Variants in RBFOX1 observed in about 807,000 individuals in gnomAD.
The protein encoded by RBFOX1 is RNA binding fox-1 homolog 1, also known as RNA binding protein fox-1 homolog 1.
RBFOX1 carries 8 observed loss-of-function variants against 57.7 expected under a neutral mutation model. The ratio of observed to expected loss-of-function variants is 0.14; its 90% CI spans 0.08 to 0.25. The LOEUF (loss-of-function observed/expected upper bound fraction) is 0.25. Among genes scored for constraint, RBFOX1 ranks in the 10% least tolerant of loss-of-function variants. RBFOX1 has a pLI of 1.00. For synonymous variants in RBFOX1, 326 were observed against 222.4 expected, an observed-to-expected ratio of 1.47 and a Z score of -4.15; for missense variants, 611 against 548.5, an observed-to-expected ratio of 1.11 and a Z score of -1.14.
At chr16:7,519,497 C>T (rs2077070387) in intron 5 of RBFOX1, among the ~76,000 whole-genome samples, 1 of 152,176 alleles carries the variant, frequency 6.6e-6, no homozygotes, top group African/African-American at 2.4e-5. Context: ...ATTTTATCAT[C>T]ACTGTAAATG....
At chr16:7,577,272 C>G (rs1315689076) in intron 5 of RBFOX1, among the ~76,000 whole-genome samples, 1 of 152,174 alleles carries the variant, frequency 6.6e-6, no homozygotes, top group African/African-American at 2.4e-5. Context: ...GGATGAAGCT[C>G]AGACTCTTGC....
intron 1 of RBFOX1, among the ~76,000 whole-genome samples, chr16:6,172,382 T>C (rs1303171266): frequency 6.6e-6 from 1 of 152,192 alleles, no homozygotes; most frequent in Non-Finnish European, 1.5e-5. Flanking sequence ...GCCCAACCTC[T>C]GCTTCATCTC....
chr16:5,395,734 A>T (rs2066534016), intron 1 of RBFOX1, among the ~76,000 whole-genome samples: 1 of 152,214 alleles, frequency 6.6e-6, no homozygotes, highest in African/African-American at 2.4e-5. Flanking sequence ...TATGTTAAAT[A>T]AAACTCCATC....
chr16:6,203,448 A>G (rs541474833), intron 1 of RBFOX1, among the ~76,000 whole-genome samples: 34 of 152,336 alleles, frequency 2.2e-4, no homozygotes, highest in East Asian at 3.9e-4. Context: ...ACTGAGTAAT[A>G]TCACTGCATG....
Position 5,983,497 on chromosome 16 carries a change from C to T in RBFOX1, c.351+116162C>T, listed in dbSNP as rs2060214858. Among the ~76,000 whole-genome samples the T allele has an allele frequency of 3.3e-5, 5 of 152,236 alleles. 1 individual carries two copies. The South Asian group carries it at 8.3e-4, about 25-fold the overall frequency. ...GAACCTTCCAGTGAAGAGAGGGGTA[C>T]GGTGGGGTAGGCGGGGAAAAACCGC... On this transcript the variant is annotated intron_variant, in intron 4 of 19. Transcript: ENST00000641259.
chr16:6,338,431 C>T (rs1350633110), intron 2 of RBFOX1, among the ~76,000 whole-genome samples: 4 of 152,106 alleles, frequency 2.6e-5, no homozygotes, highest in South Asian at 2.1e-4. Context: ...AAACTCTGGG[C>T]GTGTGCCTAG....
rs190629466 is a variant in RBFOX1 at position 7,625,364 on chromosome 16, G to C, written c.677-5239G>C. Among the ~76,000 whole-genome samples, 51 of 152,176 alleles carry C rather than the reference G, an allele frequency of 3.4e-4. No homozygotes were observed. The East Asian group carries it at 8.3e-3, about 25-fold the overall frequency. On this transcript the variant is annotated intron_variant, in intron 10 of 15. Transcript: ENST00000550418. Reference sequence around the variant, plus strand: ...TTCTGTTATAAAAGAGATGGTTTGGGGGTGGTTTCTTATTACAGGAAAATT... The same window carrying C: ...TTCTGTTATAAAAGAGATGGTTTGGCGGTGGTTTCTTATTACAGGAAAATT...
chr16:7,233,906 C>G (rs1432731052), intron 4 of RBFOX1, among the ~76,000 whole-genome samples: 6 of 152,226 alleles, frequency 3.9e-5, no homozygotes, highest in African/African-American at 1.2e-4. Flanking sequence ...GAGAGCTACT[C>G]TGACTCTTTG....
intron 1 of RBFOX1, among the ~76,000 whole-genome samples, chr16:5,431,790 C>G (rs1453022142): frequency 1.3e-5 from 2 of 152,162 alleles, no homozygotes; most frequent in African/African-American, 4.8e-5. Context: ...CTGCAGGAAG[C>G]CTGGCCTCTA....
At chr16:6,118,862 G>A (rs907394958) in intron 1 of RBFOX1, among the ~76,000 whole-genome samples, 7 of 149,830 alleles carry the variant, frequency 4.7e-5, no homozygotes, top group African/African-American at 1.7e-4. Flanking sequence ...CACTAATCCT[G>A]CACATGAGGG....
chr16:6,607,286 GAA>G (rs2097947395), intron 2 of RBFOX1, among the ~76,000 whole-genome samples: 1 of 152,148 alleles, frequency 6.6e-6, no homozygotes, highest in Admixed American at 6.6e-5. Context: ...AAAGGGAAGA[GAA>G]ATGTCAGCTC....
chr16:7,188,884 A>G (rs1434746471), intron 4 of RBFOX1, among the ~76,000 whole-genome samples: 1 of 152,124 alleles, frequency 6.6e-6, no homozygotes, highest in Admixed American at 6.5e-5. Flanking sequence ...GGTTTAAGGA[A>G]CAGAGGATAC....
chr16:7,094,357 G>A (rs553898817), intron 4 of RBFOX1, among the ~76,000 whole-genome samples: 1 of 152,104 alleles, frequency 6.6e-6, no homozygotes, highest in African/African-American at 2.4e-5. Context: ...AGAGAGCTTT[G>A]CCCATTGTCT....
chr16:6,617,599 G>T (rs1489651591), intron 2 of RBFOX1, among the ~76,000 whole-genome samples: 8 of 152,080 alleles, frequency 5.3e-5, no homozygotes, highest in South Asian at 2.1e-4. Flanking sequence ...ACATGTGGGG[G>T]TTCCAAAGAT....
chr16:5,326,525 G>C (rs1596528733), intron 1 of RBFOX1, among the ~76,000 whole-genome samples: 1 of 152,164 alleles, frequency 6.6e-6, no homozygotes, highest in Non-Finnish European at 1.5e-5. Context: ...TGACCAGAGT[G>C]TGTGTGCCCT....
intron 3 of RBFOX1, among the ~76,000 whole-genome samples, chr16:5,832,562 T>C (rs932598922): frequency 2.7e-5 from 4 of 150,432 alleles, no homozygotes; most frequent in Admixed American, 2.0e-4. Context: ...ATATAACACA[T>C]GTTAGCTGTC....
chr16:5,815,894 T>A (rs2055616337), intron 3 of RBFOX1, among the ~76,000 whole-genome samples: 1 of 152,024 alleles, frequency 6.6e-6, no homozygotes, highest in Non-Finnish European at 1.5e-5. Context: ...GGGGGCTGCG[T>A]TAGGTTTGAA....
At chr16:6,020,619 C>T (rs1596434677) in intron 1 of RBFOX1, among the ~76,000 whole-genome samples, 2 of 152,312 alleles carry the variant, frequency 1.3e-5, no homozygotes, top group South Asian at 4.1e-4. Flanking sequence ...CCCCTGGTTC[C>T]TGGGAGCCTT....
At chr16:6,728,947 A>G (rs2067888379) in intron 3 of RBFOX1, among the ~76,000 whole-genome samples, 1 of 152,206 alleles carries the variant, frequency 6.6e-6, no homozygotes, top group South Asian at 2.1e-4. Context: ...ATTTGTATAC[A>G]TACACACACT....
Sources: gnomAD v4.1 joint callset for allele counts (sites outside exome capture counted in the v4.1 genomes callset) on GRCh38, gnomAD v4.1.1 for gene constraint, MANE v1.5 for transcripts, NCBI Gene and HGNC (gene_info 2026-07-23, HGNC 2026-07-21) for gene names.